Variants in UBE4B observed in about 807,000 individuals in gnomAD.
UBE4B encodes the protein ubiquitin conjugation factor E4 B.
A neutral mutation model predicts 148.1 loss-of-function variants in UBE4B; 27 were observed. The ratio of observed to expected loss-of-function variants is 0.18; its 90% CI spans 0.13 to 0.25. The LOEUF (loss-of-function observed/expected upper bound fraction) is 0.25. Among genes scored for constraint, UBE4B ranks in the 10% least tolerant of loss-of-function variants. The pLI is 1.00. For synonymous variants in UBE4B, 596 were observed against 619.3 expected, an observed-to-expected ratio of 0.96 and a Z score of 0.56; for missense variants, 1,170 against 1,662.4, an observed-to-expected ratio of 0.70 and a Z score of 5.15.
At chr1:10,098,226 C>G (rs1557549726) in intron 3 of UBE4B, among the ~76,000 whole-genome samples, 1 of 152,048 alleles carries the variant, frequency 6.6e-6, no homozygotes, top group Non-Finnish European at 1.5e-5. Context: ...TCAATTTAGG[C>G]TTACTTTAGG....
At chr1:10,113,508 C>A (rs1047490508) in intron 7 of UBE4B, among the ~76,000 whole-genome samples, 7 of 152,222 alleles carry the variant, frequency 4.6e-5, no homozygotes, top group African/African-American at 1.7e-4. Context: ...GAAAAGCAAT[C>A]GTCTACATAG....
rs572565890 is a variant in UBE4B, at chr1:10,111,503, C to G, written c.1196+4920C>G. 3.5e-4 allele frequency among the ~76,000 whole-genome samples: 54 copies of G among 152,296 alleles called. 1 individual carries two copies. In the South Asian group the frequency reaches 0.011, roughly 32 times the overall value. ...TGTCTCAAACATTATATAGAACACACACGCACCCATGCACGCACACCGTCG... is the reference window on the plus strand; with the variant it reads ...TGTCTCAAACATTATATAGAACACAGACGCACCCATGCACGCACACCGTCG... On this transcript the variant is annotated intron_variant, in intron 7 of 27. Transcript: ENST00000343090.
chr1:10,067,130 C>T (rs1042385195), intron 1 of UBE4B, among the ~76,000 whole-genome samples: 1 of 152,098 alleles, frequency 6.6e-6, no homozygotes, highest in African/African-American at 2.4e-5. Flanking sequence ...TTTGGCCCAT[C>T]CTGTCTTAGC....
At chr1:10,059,576 T>A in intron 1 of UBE4B, 2 of 214,214 alleles carry the variant, frequency 9.3e-6, no homozygotes, top group South Asian at 1.7e-4. Context: ...TTGAAGCCCA[T>A]TGAGCTCATG....
In UBE4B at chr1:10,079,455, C is replaced by T. The variant is rs540210655; in HGVS notation, c.211+7241C>T. On this transcript the variant is annotated intron_variant, in intron 2 of 27. Coordinates refer to ENST00000343090, the MANE Select transcript of UBE4B (RefSeq NM_001105562.3). ...GATTACAGGTGTGAGCCACCGCACC[C>T]GACCTCAAAATTTACTTTTAAATGT... Among the ~76,000 whole-genome samples, 10 of 152,172 alleles carry T rather than the reference C, an allele frequency of 6.6e-5. No homozygotes were observed. In the East Asian group the frequency reaches 9.6e-4, roughly 15 times the overall value.
chr1:10,130,465 C>G, intron 12 of UBE4B, 35 bp from the exon 13 acceptor site: 1 of 1,572,276 alleles, frequency 6.4e-7, no homozygotes, highest in Non-Finnish European at 8.7e-7. Flanking sequence ...CCGGCCTGTT[C>G]AGCGGCTTGA....
At chr1:10,036,913 TG>T (rs1367313731) in intron 1 of UBE4B, among the ~76,000 whole-genome samples, 9 of 152,170 alleles carry the variant, frequency 5.9e-5, no homozygotes, top group African/African-American at 2.2e-4. Context: ...AAAATGAAAA[TG>T]TATGATTATA....
At chr1:10,082,079 T>G (rs1644691640) in intron 2 of UBE4B, among the ~76,000 whole-genome samples, 2 of 152,310 alleles carry the variant, frequency 1.3e-5, no homozygotes, top group African/African-American at 4.8e-5. Context: ...TTATGTTGGT[T>G]GTTACATTGA....
chr1:10,178,764 G>A lies in UBE4B; in HGVS notation c.3646G>A (p.Ala1216Thr), dbSNP rs374628108. The change falls in exon 26 of 28, where the codon GCC (alanine) becomes ACC (threonine). Residue 1216 changes from alanine (A) to threonine (T), a missense_variant. Physicochemically the swap from Ala to Thr is moderately conservative, Grantham distance 58. Coordinates refer to ENST00000343090, the MANE Select transcript of UBE4B (RefSeq NM_001105562.3). ...LLAEKVEEIV[A>T]KNARAEIDYS... The stretch of plus-strand genomic sequence containing the variant: ...CGCCGAGAAAGTGGAGGAGATAGTG[G>A]CCAAGAACGCACGCGCAGAAATCGA... 4 of 1,613,800 alleles carry A rather than the reference G, an allele frequency of 2.5e-6. No individual in the cohort carries two copies. The highest frequency in any genetic ancestry group is 3.3e-5 in the Admixed American group (2 of 59,938).
At chr1:10,110,665 G>T (rs562375458) in intron 7 of UBE4B, among the ~76,000 whole-genome samples, 1 of 152,262 alleles carries the variant, frequency 6.6e-6, no homozygotes, top group South Asian at 2.1e-4. Flanking sequence ...TGGTGGTTTT[G>T]TGTTTGTTTT....
At chr1:10,077,736 C>A (rs1469574058) in intron 2 of UBE4B, among the ~76,000 whole-genome samples, 3 of 152,134 alleles carry the variant, frequency 2.0e-5, no homozygotes, top group Non-Finnish European at 2.9e-5. Context: ...GAGTGCTGAG[C>A]AGAATTTTAA....
chr1:10,089,229 T>A (rs146914935), intron 2 of UBE4B, among the ~76,000 whole-genome samples: 17 of 152,032 alleles, frequency 1.1e-4, no homozygotes, highest in Admixed American at 2.6e-4. Context: ...ATGGTTTCGA[T>A]CTCTTGACCT....
intron 1 of UBE4B, chr1:10,054,640 T>C (rs919641329): frequency 1.2e-5 from 3 of 259,562 alleles, no homozygotes; most frequent in Non-Finnish European, 2.3e-5. Context: ...TTGGCAAGAC[T>C]GTTGCCATTG....
intron 15 of UBE4B, 58 bp from the exon 16 acceptor site, chr1:10,134,930 A>C (rs1253214246): frequency 6.6e-7 from 1 of 1,511,416 alleles, no homozygotes; most frequent in East Asian, 2.4e-5. Flanking sequence ...GTGAGACCCC[A>C]TCTCAAAAAA....
Position 10,168,906 on chromosome 1 carries a change from AAG to A in UBE4B, c.3333+638_3333+639del, listed in dbSNP as rs1553155115. Among the ~76,000 whole-genome samples the A allele has an allele frequency of 2.6e-5, 4 of 151,028 alleles. No homozygotes were observed. The highest frequency in any genetic ancestry group is 7.3e-5 in the African/African-American group (3 of 41,146). On this transcript the variant is annotated intron_variant, in intron 24 of 27. Coordinates refer to ENST00000343090, the MANE Select transcript of UBE4B (RefSeq NM_001105562.3). The surrounding 1 kb of genome is among the most constrained non-coding windows in gnomAD (Gnocchi z 4.9). ...GACTCCATCTCAAAAAAAAAAAAAAAAGAAGAAGAAAAAGCATAAGGTAACAG... is the reference window on the plus strand; with the variant it reads ...GACTCCATCTCAAAAAAAAAAAAAAAAAGAAGAAAAAGCATAAGGTAACAG...
intron 18 of UBE4B, among the ~76,000 whole-genome samples, chr1:10,146,508 T>C (rs1645875541): frequency 6.6e-6 from 1 of 152,168 alleles, no homozygotes; most frequent in Non-Finnish European, 1.5e-5. Context: ...AGTGTGTGCA[T>C]GCATGTGTGT....
chr1:10,069,870 G>T (rs1244093208), intron 1 of UBE4B, among the ~76,000 whole-genome samples: 1 of 152,150 alleles, frequency 6.6e-6, no homozygotes, highest in Non-Finnish European at 1.5e-5. Flanking sequence ...GAAGCAGAGA[G>T]CTGTTAAGTG....
rs1327691197 is a variant in UBE4B, at chr1:10,106,524, A to G, written c.1137A>G (p.Leu379=). 6.2e-7 allele frequency: 1 copy of G among 1,606,752 alleles called. No individual in the cohort carries two copies. The highest frequency in any genetic ancestry group is 8.5e-7 in the Non-Finnish European group (1 of 1,177,766). The part of the protein sequence containing the change: ...RQRPSSTGPP[L]PPASPSATSR... ...GGCCCAGCAGCACGGGTCCACCCCT[A>G]CCACCCGCCTCACCCAGTGCCACGA... The change falls in exon 7 of 28, where the codon CTA becomes CTG. Residue 379 remains leucine (L), a synonymous_variant. Transcript: ENST00000343090. This position sits in a 1 kb window ranked among gnomAD's most constrained non-coding sequence, Gnocchi z 4.2.
chr1:10,154,131 T>C (rs944514654), intron 21 of UBE4B, among the ~76,000 whole-genome samples: 6 of 152,114 alleles, frequency 3.9e-5, no homozygotes, highest in African/African-American at 1.4e-4. Flanking sequence ...TAGTCCCAGC[T>C]ACTCGGGAGG....
Sources: allele counts gnomAD v4.1 joint callset (sites outside exome capture counted in the v4.1 genomes callset), GRCh38; gene constraint gnomAD v4.1.1; non-coding constraint Gnocchi (gnomAD v3.1); transcripts MANE v1.5; gene names NCBI Gene and HGNC (gene_info 2026-07-23, HGNC 2026-07-21).